Variants in TBC1D32 observed in about 807,000 individuals in gnomAD.
TBC1D32 encodes the protein protein broad-minded.
In TBC1D32, 151 loss-of-function variants were observed where a neutral mutation model predicts 170.3. The observed-to-expected ratio is 0.89, with a 90% CI of 0.78 to 1.01. The LOEUF (loss-of-function observed/expected upper bound fraction) is 1.01, where lower values mean the gene tolerates loss of function less well. Among genes scored for constraint, TBC1D32 ranks in the 50% least tolerant of loss-of-function variants. The probability of loss-of-function intolerance (pLI) is 0.00; values close to 1 mark genes in which losing one functional copy is unlikely to be tolerated. For synonymous variants in TBC1D32, 498 were observed against 488.0 expected, an observed-to-expected ratio of 1.02 and a Z score of -0.27; for missense variants, 1,464 against 1,457.1, an observed-to-expected ratio of 1.00 and a Z score of -0.08.
chr6:121,101,379 T>C (rs547438246), intron 30 of TBC1D32, among the ~76,000 whole-genome samples: 10 of 151,842 alleles, frequency 6.6e-5, no homozygotes, highest in African/African-American at 2.2e-4. Flanking sequence ...AATCAAAAAG[T>C]TGATCCACCA....
At chr6:121,105,028 C>A (rs777919605) in intron 30 of TBC1D32, among the ~76,000 whole-genome samples, 1 of 151,670 alleles carries the variant, frequency 6.6e-6, no homozygotes, top group Non-Finnish European at 1.5e-5. Context: ...TACAAAGTTA[C>A]AATAAGTAAT....
chr6:121,236,410 T>C (rs1221775158), intron 20 of TBC1D32, among the ~76,000 whole-genome samples: 2 of 152,136 alleles, frequency 1.3e-5, no homozygotes, highest in Non-Finnish European at 2.9e-5. Flanking sequence ...AGAGGGAAGA[T>C]GAAGGATGGG....
At chr6:121,126,016 T>C (rs1420696310) in intron 26 of TBC1D32, among the ~76,000 whole-genome samples, 2 of 152,182 alleles carry the variant, frequency 1.3e-5, no homozygotes, top group East Asian at 1.9e-4. Context: ...TAGTAGATCT[T>C]TGAGTGAACG....
rs537457607 is a variant in TBC1D32 at position 121,283,053 on chromosome 6, C to T, written c.1465+765G>A. Among the ~76,000 whole-genome samples, 8 of 151,828 alleles carry T rather than the reference C, an allele frequency of 5.3e-5. No homozygotes were observed. In the South Asian group the frequency reaches 1.0e-3, roughly 20 times the overall value. On this transcript the variant is annotated intron_variant, in intron 13 of 31. Transcript: ENST00000398212. The stretch of plus-strand genomic sequence containing the variant: ...GTGAGATTTGGGCTTCTGGTGTACC[C>T]GTCACCTGAACAGTGAACACTGTAC...
chr6:121,142,081 A>G (rs777589661), intron 24 of TBC1D32, among the ~76,000 whole-genome samples: 3 of 152,262 alleles, frequency 2.0e-5, no homozygotes, highest in Non-Finnish European at 4.4e-5. Context: ...AGCCTTTGTC[A>G]TTAAATCTGT....
chr6:121,183,026 A>T (rs1195655903), intron 22 of TBC1D32, among the ~76,000 whole-genome samples: 2 of 83,254 alleles, frequency 2.4e-5, no homozygotes, highest in East Asian at 6.9e-4. Flanking sequence ...AACAGAGAGA[A>T]AGAGACAGAC....
At chr6:121,241,363 G>C in intron 19 of TBC1D32, 102 bp downstream of exon 19, 1 of 953,678 alleles carries the variant, frequency 1.0e-6, no homozygotes, top group Non-Finnish European at 1.6e-6. Context: ...AAGAATTTTA[G>C]AGTAAATATC....
chr6:121,284,227 A>G (rs1803461738), intron 12 of TBC1D32, among the ~76,000 whole-genome samples: 1 of 152,082 alleles, frequency 6.6e-6, no homozygotes, highest in Non-Finnish European at 1.5e-5. Context: ...TTATTCAATT[A>G]GGAGTAGTAA....
At chr6:121,174,670 C>G (rs1029295754) in intron 22 of TBC1D32, among the ~76,000 whole-genome samples, 3 of 152,100 alleles carry the variant, frequency 2.0e-5, no homozygotes, top group Non-Finnish European at 4.4e-5. Context: ...ATTTAAACAG[C>G]TTTAATGACA....
At chr6:121,112,855 A>G (rs1779325460) in intron 28 of TBC1D32, among the ~76,000 whole-genome samples, 196 bp from the exon 29 acceptor site, 1 of 152,102 alleles carries the variant, frequency 6.6e-6, no homozygotes, top group African/African-American at 2.4e-5. Context: ...GATTCAATGA[A>G]TGAGACTAAA....
chr6:121,125,394 T>C (rs1386645838), intron 26 of TBC1D32, among the ~76,000 whole-genome samples: 1 of 152,108 alleles, frequency 6.6e-6, no homozygotes, highest in African/African-American at 2.4e-5. Context: ...AAGCCCCAGA[T>C]AGGTGCGCTT....
At chr6:121,081,995 C>T (rs1775690436) in intron 31 of TBC1D32, among the ~76,000 whole-genome samples, 1 of 152,070 alleles carries the variant, frequency 6.6e-6, no homozygotes, top group Non-Finnish European at 1.5e-5. Flanking sequence ...TTGTTATATA[C>T]TTAATACCAT....
At chr6:121,253,297 G>A (rs1247877426) in intron 17 of TBC1D32, among the ~76,000 whole-genome samples, 2 of 151,856 alleles carry the variant, frequency 1.3e-5, no homozygotes, top group Admixed American at 1.3e-4. Flanking sequence ...GTGGGCAAAG[G>A]ACATGAAGAA....
chr6:121,100,849 T>C (rs1347310949), intron 30 of TBC1D32, among the ~76,000 whole-genome samples: 1 of 151,338 alleles, frequency 6.6e-6, no homozygotes, highest in East Asian at 1.9e-4. Context: ...GCCAGACTAA[T>C]AAAGAAGGAA....
intron 15 of TBC1D32, among the ~76,000 whole-genome samples, chr6:121,259,195 G>T (rs990944094): frequency 2.0e-5 from 3 of 152,040 alleles, no homozygotes; most frequent in Non-Finnish European, 4.4e-5. Context: ...CTACTCTGGA[G>T]GCTGAGGCAG....
chr6:121,179,236 A>C (rs987860888), intron 22 of TBC1D32, among the ~76,000 whole-genome samples: 2 of 151,398 alleles, frequency 1.3e-5, no homozygotes, highest in Non-Finnish European at 2.9e-5. Context: ...TTTACTTTAC[A>C]TATAAATATG....
At chr6:121,210,622 G>A (rs562053752) in intron 21 of TBC1D32, among the ~76,000 whole-genome samples, 1 of 152,298 alleles carries the variant, frequency 6.6e-6, no homozygotes, top group East Asian at 1.9e-4. Context: ...TGCTGTGAAG[G>A]AATTTTTGCA....
chr6:121,259,057 G>A (rs775354693), intron 15 of TBC1D32, among the ~76,000 whole-genome samples: 22 of 151,978 alleles, frequency 1.4e-4, no homozygotes, highest in Non-Finnish European at 1.6e-4. Context: ...CAGCACTTTC[G>A]GAGGCAAAGT....
chr6:121,123,499 C>A (rs1780499472), intron 26 of TBC1D32, among the ~76,000 whole-genome samples: 2 of 152,004 alleles, frequency 1.3e-5, no homozygotes, highest in South Asian at 2.1e-4. Flanking sequence ...CCTTTTTGGT[C>A]TCTTTTTATA....
Sources: gnomAD v4.1 joint callset for allele counts (sites outside exome capture counted in the v4.1 genomes callset) on GRCh38, gnomAD v4.1.1 for gene constraint, MANE v1.5 for transcripts, NCBI Gene and HGNC (gene_info 2026-07-23, HGNC 2026-07-21) for gene names.